The following DHX8 variants were observed in gnomAD, a reference collection of about 807,000 sequenced individuals.
DHX8 encodes DEAH-box helicase 8.
In DHX8, 67 loss-of-function variants were observed where a neutral mutation model predicts 140.7. That is an observed-to-expected ratio of 0.48 (90% CI 0.39 to 0.58). The LOEUF (loss-of-function observed/expected upper bound fraction) is 0.58. Ranked by LOEUF, DHX8 falls within the 20% of genes least tolerant of loss-of-function variation. DHX8 has a pLI of 0.00. For missense variants in DHX8, 887 were observed against 1,550.7 expected (o/e 0.57, Z 7.19); for synonymous variants, 533 against 553.2 (o/e 0.96, Z 0.51).
At chr17:43,521,819 C>G (rs1375361158) in intron 21 of DHX8, among the ~76,000 whole-genome samples, 1 of 152,168 alleles carries the variant, frequency 6.6e-6, no homozygotes, top group Admixed American at 6.5e-5. Context: ...TTGCAACCCT[C>G]TGGAACATTA....
downstream of DHX8, chr17:43,529,844 A>G: frequency 1.9e-6 from 3 of 1,611,028 alleles, no homozygotes; most frequent in Non-Finnish European, 1.7e-6. Context: ...ACACAGCGTG[A>G]TAAGACCTTG....
downstream of DHX8, chr17:43,530,114 C>A (rs1350237353): frequency 1.3e-6 from 2 of 1,586,786 alleles, no homozygotes; most frequent in African/African-American, 2.7e-5. Flanking sequence ...TACCCATGGC[C>A]CCGTCACCTG....
intron 18 of DHX8, 151 bp downstream of exon 18, chr17:43,517,473 G>T: frequency 1.1e-6 from 1 of 870,676 alleles, no homozygotes; most frequent in Non-Finnish European, 1.7e-6. Flanking sequence ...TGTGATAACA[G>T]CCTCTCACGG....
intron 16 of DHX8, among the ~76,000 whole-genome samples, chr17:43,510,376 CA>C (rs2154586698): frequency 6.6e-6 from 1 of 152,208 alleles, no homozygotes; most frequent in East Asian, 1.9e-4. Flanking sequence ...GTGTACAGTT[CA>C]AAGGCTTTTA....
Position 43,499,945 on chromosome 17 carries a change from T to C in DHX8, c.1399-11T>C, listed in dbSNP as rs1487136490. ...ATTTAATCCATGTTGTTTTTTCTTC[T>C]GTTGCACCAGAACCCAGACGGCTCC... On this transcript the variant is annotated splice_polypyrimidine_tract_variant and intron_variant, in intron 10 of 22. Coordinates refer to ENST00000262415, the MANE Select transcript of DHX8 (RefSeq NM_004941.3). 2 of 1,612,986 alleles carry C rather than the reference T, an allele frequency of 1.2e-6. No individual in the cohort carries two copies. The highest frequency in any genetic ancestry group is 1.1e-5 in the South Asian group (1 of 90,914).
chr17:43,541,401 A>G (rs987762080), intron 3 of DHX8, among the ~76,000 whole-genome samples: 14 of 152,328 alleles, frequency 9.2e-5, no homozygotes, highest in African/African-American at 2.6e-4. Flanking sequence ...CCCCAGCTCC[A>G]TCCCGGTACT....
chr17:43,519,552 A>G (rs567052562), intron 18 of DHX8: 1 of 149,870 alleles, frequency 6.7e-6, no homozygotes, highest in East Asian at 2.0e-4. Context: ...ACGTTTTATC[A>G]TGTTGCCTAG....
Position 43,491,167 on chromosome 17 carries a change from C to A in DHX8, c.310C>A (p.Pro104Thr). 6.6e-7 allele frequency: 1 copy of A among 1,513,364 alleles called. No homozygotes were observed. Among genetic ancestry groups the A allele is most frequent in the Non-Finnish European group, 8.9e-7 (1 of 1,128,850 alleles). 93.7% of individuals were successfully genotyped at this position (1,513,364 alleles called of 1,614,324 possible). A position where few individuals can be genotyped will look rare whatever the true frequency, so the allele number is the denominator to read the frequency against. The change falls in exon 4 of 23, where the codon CCA becomes ACA. Residue 104 changes from proline (P) to threonine (T), a missense_variant and splice_region_variant. Physicochemically the swap from Pro to Thr is conservative, Grantham distance 38 (BLOSUM62 -1). Coordinates refer to ENST00000262415, the MANE Select transcript of DHX8 (RefSeq NM_004941.3). ...PPAKPSTSKD[P>T]VVKPKTEKEK... ...TTCATGCTCTTTAATGAAACAAGATCCAGTTGTTAAACCTAAAACAGAAAA... is the reference window on the plus strand; with the variant it reads ...TTCATGCTCTTTAATGAAACAAGATACAGTTGTTAAACCTAAAACAGAAAA...
At chr17:43,529,571 G>T, downstream of DHX8, 1 of 1,614,058 alleles carries the variant, frequency 6.2e-7, no homozygotes. Flanking sequence ...GGCATTTGTT[G>T]GGTCATCCAG....
At chr17:43,493,375 G>A in intron 6 of DHX8, 70 bp from the exon 7 acceptor site, 1 of 1,575,018 alleles carries the variant, frequency 6.3e-7, no homozygotes, top group South Asian at 1.2e-5. Context: ...GTTAGTTCCA[G>A]TAAGGGTAGA....
chr17:43,542,522 T>G (rs1482318867), intron 3 of DHX8, among the ~76,000 whole-genome samples: 1 of 152,104 alleles, frequency 6.6e-6, no homozygotes, highest in African/African-American at 2.4e-5. Flanking sequence ...TGGGTCTCCC[T>G]GTAGCAGCCT....
At chr17:43,500,778 G>A (rs1969144620) in intron 11 of DHX8, among the ~76,000 whole-genome samples, 1 of 151,862 alleles carries the variant, frequency 6.6e-6, no homozygotes, top group South Asian at 2.1e-4. Context: ...AGGTGTGGTG[G>A]TGCGCGCCTG....
chr17:43,541,268 C>G (rs1409514791), intron 3 of DHX8, among the ~76,000 whole-genome samples: 1 of 152,208 alleles, frequency 6.6e-6, no homozygotes. Context: ...CACTGAGCCT[C>G]GCGTTCCTGG....
At chr17:43,517,620 C>A in intron 18 of DHX8, 1 of 307,408 alleles carries the variant, frequency 3.3e-6, no homozygotes, top group Non-Finnish European at 6.1e-6. Flanking sequence ...ATAATCAATG[C>A]CAAACTGTGG....
At chr17:43,520,934 G>T (rs1031050565) in intron 20 of DHX8, 55 bp downstream of exon 20, 24 of 1,500,658 alleles carry the variant, frequency 1.6e-5, no homozygotes, top group Admixed American at 2.2e-5. Flanking sequence ...GGGGTAGTTG[G>T]CCTGTTGCCA....
downstream of DHX8, chr17:43,528,712 A>G (rs1970716062): frequency 1.2e-6 from 2 of 1,614,148 alleles, no homozygotes; most frequent in Non-Finnish European, 1.7e-6. Context: ...GGGCTCACAC[A>G]CAAACTTGTA....
At chr17:43,532,265 C>T (rs528187552) in intron 2 of DHX8, among the ~76,000 whole-genome samples, 12 of 152,046 alleles carry the variant, frequency 7.9e-5, no homozygotes, top group Non-Finnish European at 1.5e-4. Context: ...TTTGGGAGGC[C>T]GAGGCGATGG....
chr17:43,520,909 G>A (rs781249349), intron 20 of DHX8, 30 bp downstream of exon 20: 4 of 1,588,800 alleles, frequency 2.5e-6, no homozygotes, highest in East Asian at 4.6e-5. Flanking sequence ...GTTTAGATGG[G>A]GGTGCCATGA....
Position 43,508,515 on chromosome 17 carries a change from A to C in DHX8, c.2497A>C (p.Arg833=). Residue 833 remains arginine (R), a synonymous_variant, in exon 16 of 23, where the codon AGA becomes CGA. Coordinates refer to ENST00000262415, the MANE Select transcript of DHX8 (RefSeq NM_004941.3). ...CTTTGACCCAGCTCCACCAGGCAGC[A>C]GAAAGGTAACATGGGCAAAAATGAA... ...RIFDPAPPGS[R]KVVIATNIAE... The C allele has an allele frequency of 6.2e-7, 1 of 1,610,606 alleles. No individual in the cohort carries two copies. The highest frequency in any genetic ancestry group is 8.5e-7 in the Non-Finnish European group (1 of 1,178,264).
Sources: gnomAD v4.1 joint callset for allele counts (sites outside exome capture counted in the v4.1 genomes callset) on GRCh38, gnomAD v4.1.1 for gene constraint, MANE v1.5 for transcripts, NCBI Gene and HGNC (gene_info 2026-07-23, HGNC 2026-07-21) for gene names.